Variants in AXL observed in about 807,000 individuals in gnomAD.
The protein encoded by AXL is AXL receptor tyrosine kinase, also known as tyrosine-protein kinase receptor UFO.
In AXL, 52 loss-of-function variants were observed where a neutral mutation model predicts 104.5. That is an observed-to-expected ratio of 0.50 (90% CI 0.40 to 0.63). AXL has a LOEUF of 0.63. Ranked by LOEUF, AXL falls within the 20% of genes least tolerant of loss-of-function variation. The pLI is 0.00. For missense variants in AXL, 1,024 were observed against 1,188.5 expected, an observed-to-expected ratio of 0.86 and a Z score of 2.04; for synonymous variants, 455 against 473.7, an observed-to-expected ratio of 0.96 and a Z score of 0.51.
intron 17 of AXL, 30 bp downstream of exon 17, chr19:41,253,738 CA>C: frequency 2.1e-6 from 3 of 1,430,854 alleles, no homozygotes; most frequent in Admixed American, 1.9e-5. Flanking sequence ...CCCCCCCCCC[CA>C]ACTGCTCCTG....
Position 41,243,687 on chromosome 19 carries a change from G to A in AXL, c.1517G>A (p.Arg506His), listed in dbSNP as rs1162584880. ...TACCGCGTGCGCAAGTCCTACAGTC[G>A]TCGGACCACTGAAGCTACCTGTAAG... Reference protein sequence around the residue: ...VRYRVRKSYSRRTTEATLNSL... With the variant: ...VRYRVRKSYSHRTTEATLNSL... Residue 506 changes from arginine (R) to histidine (H), a missense_variant, in exon 12 of 20, where the codon CGT becomes CAT. Transcript: ENST00000301178. The A allele has an allele frequency of 1.9e-6, 3 of 1,613,894 alleles. No individual in the cohort carries two copies. Among genetic ancestry groups the A allele is most frequent in the Non-Finnish European group, 1.7e-6 (2 of 1,179,962 alleles).
intron 4 of AXL, among the ~76,000 whole-genome samples, chr19:41,225,501 C>T (rs1007219550): frequency 2.6e-5 from 4 of 152,144 alleles, no homozygotes; most frequent in Non-Finnish European, 5.9e-5. Context: ...TACGCTGTTA[C>T]GTGGTGTGTG....
At chr19:41,239,130 G>C in intron 8 of AXL, 34 bp from the exon 9 acceptor site, 1 of 1,610,982 alleles carries the variant, frequency 6.2e-7, no homozygotes, top group Non-Finnish European at 8.5e-7. Flanking sequence ...TGGGGGGTAA[G>C]GTTCTACCCT....
At chr19:41,243,761 A>G in intron 12 of AXL, 54 bp downstream of exon 12, 2 of 1,513,552 alleles carry the variant, frequency 1.3e-6, no homozygotes, top group South Asian at 1.1e-5. Flanking sequence ...GCTGTAGAGA[A>G]TCTGGCCTGC....
At chr19:41,244,909 G>A (rs1166862442) in intron 12 of AXL, among the ~76,000 whole-genome samples, 1 of 151,718 alleles carries the variant, frequency 6.6e-6, no homozygotes, top group Non-Finnish European at 1.5e-5. Flanking sequence ...TTGAACCCAG[G>A]TACTTTTGCT....
At chr19:41,248,999 G>A (rs1238539177) in intron 14 of AXL, among the ~76,000 whole-genome samples, 179 bp downstream of exon 14, 3 of 152,186 alleles carry the variant, frequency 2.0e-5, no homozygotes, top group African/African-American at 4.8e-5. Flanking sequence ...AAAGGTGGGA[G>A]ACGGGTTGAA....
chr19:41,246,675 A>G (rs2034276373), intron 12 of AXL, among the ~76,000 whole-genome samples: 1 of 152,022 alleles, frequency 6.6e-6, no homozygotes, highest in Non-Finnish European at 1.5e-5. Flanking sequence ...AGATTATGCT[A>G]CTGCACTCTA....
intron 7 of AXL, 69 bp downstream of exon 7, chr19:41,238,223 C>T (rs1008495995): frequency 9.7e-6 from 15 of 1,554,174 alleles, no homozygotes; most frequent in Non-Finnish European, 1.2e-5. Context: ...GTGCCACCCC[C>T]ATTGTCCCCT....
At position 41,219,343 on chromosome 19, in the gene AXL, C is replaced by CT. The variant is rs767309040; in HGVS notation, c.-50_-49insT. The CT allele has an allele frequency of 1.3e-6, 2 of 1,529,650 alleles. No homozygotes were observed. The highest frequency in any genetic ancestry group is 2.4e-5 in the South Asian group (2 of 83,168). The allele number at this position is 1,529,650 out of a possible 1,614,324, so 94.8% of individuals were successfully genotyped here. On this transcript the variant is annotated 5_prime_UTR_variant, in exon 1 of 20. Transcript: ENST00000301178. ...GAGGGCCGGGGACAGCCCGGCCCTGCCCCCTCCCCCGCTGGGAGCCCAACA... is the reference window on the plus strand; with the variant it reads ...GAGGGCCGGGGACAGCCCGGCCCTGCTCCCCTCCCCCGCTGGGAGCCCAACA...
chr19:41,231,190 C>G lies in AXL; in HGVS notation c.675C>G (p.Pro225=). Residue 225 remains proline (P), a synonymous_variant, in exon 6 of 20, where the codon CCC becomes CCG. Coordinates refer to ENST00000301178, the MANE Select transcript of AXL (RefSeq NM_021913.5). ...TCTCCCGTTTGTCCACAGTGCTCCC[C>G]CAGCAGCCCCGTAACCTCCACCTGG... ...TSRTATITVL[P]QQPRNLHLVS... 1 of 1,612,282 alleles carries G rather than the reference C, an allele frequency of 6.2e-7. No homozygotes were observed. Among genetic ancestry groups the G allele is most frequent in the Non-Finnish European group, 8.5e-7 (1 of 1,178,994 alleles).
chr19:41,248,714 G>T, intron 13 of AXL, 29 bp from the exon 14 acceptor site: 1 of 1,613,890 alleles, frequency 6.2e-7, no homozygotes, highest in Non-Finnish European at 8.5e-7. Context: ...GGCCCTCTGA[G>T]GTCAGTGTCT....
chr19:41,237,438 T>G lies in AXL; in HGVS notation c.784-506T>G, dbSNP rs539159229. Among the ~76,000 whole-genome samples, 10 of 152,234 alleles carry G rather than the reference T, an allele frequency of 6.6e-5. No homozygotes were observed. In the East Asian group the frequency reaches 1.7e-3, roughly 26 times the overall value. The stretch of plus-strand genomic sequence containing the variant: ...TTTACATTTTTGGAAGAGATGGGGT[T>G]TCACCACGTTGGCCAGGCTGGTCTT... On this transcript the variant is annotated intron_variant, in intron 6 of 19. Coordinates refer to ENST00000301178, the MANE Select transcript of AXL (RefSeq NM_021913.5).
intron 8 of AXL, among the ~76,000 whole-genome samples, chr19:41,238,908 A>C (rs2034131433): frequency 6.6e-6 from 1 of 151,950 alleles, no homozygotes; most frequent in Non-Finnish European, 1.5e-5. Flanking sequence ...CCTTTTCCTG[A>C]TTTTCACAAA....
chr19:41,229,617 G>T (rs2033941436), intron 4 of AXL, among the ~76,000 whole-genome samples: 1 of 152,174 alleles, frequency 6.6e-6, no homozygotes, highest in Admixed American at 6.5e-5. Flanking sequence ...AGGTGTTGTT[G>T]AGGAACAAAA....
chr19:41,252,209 G>A, intron 14 of AXL, 142 bp from the exon 15 acceptor site: 1 of 610,364 alleles, frequency 1.6e-6, no homozygotes, highest in Non-Finnish European at 3.0e-6. Flanking sequence ...CATATAAAGT[G>A]CTGAGTATGG....
intron 18 of AXL, 34 bp from the exon 19 acceptor site, chr19:41,257,459 G>A (rs2034471532): frequency 6.2e-7 from 1 of 1,613,862 alleles, no homozygotes; most frequent in Admixed American, 1.7e-5. Flanking sequence ...ATTCTGTGCA[G>A]GAGAGACTGT....
intron 10 of AXL, among the ~76,000 whole-genome samples, chr19:41,239,950 A>G (rs1426734763): frequency 6.6e-6 from 1 of 151,456 alleles, no homozygotes; most frequent in Non-Finnish European, 1.5e-5. Flanking sequence ...GAACAAATAG[A>G]TGGATGGATG....
chr19:41,238,360 A>G, intron 7 of AXL, 110 bp from the exon 8 acceptor site: 1 of 1,535,998 alleles, frequency 6.5e-7, no homozygotes, highest in Non-Finnish European at 8.8e-7. Flanking sequence ...GGAGGCCTGC[A>G]CGAGTTGCCC....
chr19:41,255,138 A>C (rs1034100973), intron 17 of AXL, among the ~76,000 whole-genome samples: 1 of 152,202 alleles, frequency 6.6e-6, no homozygotes, highest in Non-Finnish European at 1.5e-5. Context: ...GAAAAGTCAT[A>C]CAAATGGGAT....
Sources: gnomAD v4.1 joint callset for allele counts (sites outside exome capture counted in the v4.1 genomes callset) on GRCh38, gnomAD v4.1.1 for gene constraint, MANE v1.5 for transcripts, NCBI Gene and HGNC (gene_info 2026-07-23, HGNC 2026-07-21) for gene names.